LRRTM4: variants seen among roughly 807,000 people sequenced by gnomAD.
The protein encoded by LRRTM4 is leucine rich repeat transmembrane neuronal 4.
Under a neutral mutation model 47.6 loss-of-function variants are expected in LRRTM4, and 25 were observed. The ratio of observed to expected loss-of-function variants is 0.53; its 90% CI spans 0.38 to 0.73. The LOEUF (loss-of-function observed/expected upper bound fraction) is 0.73, where lower values mean the gene tolerates loss of function less well. Ranked by LOEUF, LRRTM4 falls within the 30% of genes least tolerant of loss-of-function variation. The pLI is 0.00. For missense variants in LRRTM4, 638 were observed against 713.4 expected (o/e 0.89, Z 1.20); for synonymous variants, 311 against 269.5 (o/e 1.15, Z -1.51).
At chr2:77,106,876 A>C (rs1322793200) in intron 3 of LRRTM4, among the ~76,000 whole-genome samples, 1 of 151,990 alleles carries the variant, frequency 6.6e-6, no homozygotes, top group Admixed American at 6.6e-5. Context: ...AAATCCAGTG[A>C]TGTTGGTCAA....
chr2:76,918,519 C>T (rs1171701073), intron 3 of LRRTM4, among the ~76,000 whole-genome samples: 1 of 151,952 alleles, frequency 6.6e-6, no homozygotes, highest in Non-Finnish European at 1.5e-5. Flanking sequence ...TCACATAGGC[C>T]GTATTAATGA....
At position 77,522,146 on chromosome 2, in the gene LRRTM4, GATAAAGCA is replaced by G. The variant is rs1425891756; in HGVS notation, c.-193_-186del. The G allele has an allele frequency of 1.4e-6, 1 of 715,848 alleles. No individual in the cohort carries two copies. Among genetic ancestry groups the G allele is most frequent in the Non-Finnish European group, 2.6e-6 (1 of 384,062 alleles). 44.3% of individuals were successfully genotyped at this position (715,848 alleles called of 1,614,324 possible). A position where few individuals can be genotyped will look rare whatever the true frequency, so the allele number is the denominator to read the frequency against. ...ATTGTGCTGGCTTTTGCCATTCCCA[GATAAAGCA>G]ATTCATCCTCTGGATTTTCAGTTCT... is the stretch of plus-strand genomic sequence containing the variant. On this transcript the variant is annotated 5_prime_UTR_variant, in exon 1 of 4. The change abolishes the stop of an existing upstream ORF in the 5' untranslated region. Coordinates refer to ENST00000409884, the MANE Select transcript of LRRTM4 (RefSeq NM_001134745.3).
At chr2:77,481,079 A>G (rs1677684754) in intron 3 of LRRTM4, among the ~76,000 whole-genome samples, 1 of 152,292 alleles carries the variant, frequency 6.6e-6, no homozygotes, top group Non-Finnish European at 1.5e-5. Context: ...TAATTCTTCC[A>G]CTAGGAGTAT....
intron 3 of LRRTM4, among the ~76,000 whole-genome samples, chr2:77,514,497 TA>T (rs1679137279): frequency 6.6e-6 from 1 of 152,072 alleles, no homozygotes; most frequent in Non-Finnish European, 1.5e-5. Context: ...AAAACCAGTA[TA>T]TTTTTAAAAT....
intron 3 of LRRTM4, among the ~76,000 whole-genome samples, chr2:77,066,896 C>G (rs1679974204): frequency 6.6e-6 from 1 of 152,210 alleles, no homozygotes; most frequent in African/African-American, 2.4e-5. Flanking sequence ...CCATGCATGG[C>G]TGGCAGAGAG....
intron 3 of LRRTM4, among the ~76,000 whole-genome samples, chr2:76,771,586 G>A (rs1433211432): frequency 6.7e-6 from 1 of 149,640 alleles, no homozygotes; most frequent in African/African-American, 2.5e-5. Context: ...TAAAACACTT[G>A]CCTGAAGCAG....
In LRRTM4 at chr2:76,983,821, A is replaced by G. The variant is rs78263432; in HGVS notation, c.1552-234905T>C. Among the ~76,000 whole-genome samples, 912 of 152,178 alleles carry G rather than the reference A, an allele frequency of 6.0e-3. 16 individuals carry two copies. Among genetic ancestry groups the G allele is most frequent in the African/African-American group, 0.021 (857 of 41,556 alleles). On this transcript the variant is annotated intron_variant, in intron 3 of 3. Coordinates refer to ENST00000409884, the MANE Select transcript of LRRTM4 (RefSeq NM_001134745.3). ...AAAAATAAGGCCATCAAATATTTTAAAATTCATTTGCCTTCACAATGACAA... is the reference window on the plus strand; with the variant it reads ...AAAAATAAGGCCATCAAATATTTTAGAATTCATTTGCCTTCACAATGACAA...
chr2:77,465,661 A>G (rs1676955089), intron 3 of LRRTM4, among the ~76,000 whole-genome samples: 1 of 152,138 alleles, frequency 6.6e-6, no homozygotes, highest in South Asian at 2.1e-4. Flanking sequence ...AGATTCTCCA[A>G]CCCACCTAAA....
chr2:77,158,772 T>G (rs1672627848), intron 3 of LRRTM4, among the ~76,000 whole-genome samples: 1 of 152,036 alleles, frequency 6.6e-6, no homozygotes. Context: ...TTTAGTAATC[T>G]AAGTGCTTTT....
At chr2:77,375,416 C>T (rs1672797842) in intron 3 of LRRTM4, among the ~76,000 whole-genome samples, 1 of 151,600 alleles carries the variant, frequency 6.6e-6, no homozygotes, top group South Asian at 2.1e-4. Context: ...CCTTGCACAC[C>T]TTCTTGTTTG....
At chr2:76,842,450 T>A (rs572984880) in intron 3 of LRRTM4, among the ~76,000 whole-genome samples, 1 of 152,236 alleles carries the variant, frequency 6.6e-6, no homozygotes, top group African/African-American at 2.4e-5. Context: ...TTGATTTCCA[T>A]TGTATATTGA....
At chr2:77,260,407 G>GTGTGTGTA (rs1553418017) in intron 3 of LRRTM4, among the ~76,000 whole-genome samples, 93 of 151,166 alleles carry the variant, frequency 6.2e-4, no homozygotes, top group African/African-American at 2.0e-3. Context: ...GTGTGTGTGT[G>GTGTGTGTA]TGTGTGTAGA....
intron 3 of LRRTM4, among the ~76,000 whole-genome samples, chr2:76,841,214 G>A (rs1483696172): frequency 1.3e-5 from 2 of 149,422 alleles, no homozygotes; most frequent in East Asian, 4.1e-4. Context: ...TCATAGGTGG[G>A]AATTGAACAA....
chr2:77,423,137 G>C (rs1258566415), intron 3 of LRRTM4, among the ~76,000 whole-genome samples: 1 of 152,010 alleles, frequency 6.6e-6, no homozygotes, highest in Non-Finnish European at 1.5e-5. Flanking sequence ...TTTATTGCTA[G>C]ATAATGGCCC....
At chr2:76,780,558 T>G (rs1573090366) in intron 3 of LRRTM4, among the ~76,000 whole-genome samples, 1 of 152,188 alleles carries the variant, frequency 6.6e-6, no homozygotes, top group Non-Finnish European at 1.5e-5. Context: ...CATCGGCTCC[T>G]GAGGCTTCTG....
intron 3 of LRRTM4, among the ~76,000 whole-genome samples, chr2:77,221,323 T>C (rs1288698710): frequency 6.6e-6 from 1 of 152,100 alleles, no homozygotes; most frequent in Non-Finnish European, 1.5e-5. Context: ...CCAGCTAACA[T>C]CATCATGACA....
chr2:76,957,364 T>C (rs1675708572), intron 3 of LRRTM4, among the ~76,000 whole-genome samples: 1 of 151,704 alleles, frequency 6.6e-6, no homozygotes, highest in Non-Finnish European at 1.5e-5. Flanking sequence ...TAACAATGTT[T>C]TACTGTACAC....
intron 3 of LRRTM4, among the ~76,000 whole-genome samples, chr2:76,915,521 T>C (rs528825246): frequency 6.6e-5 from 10 of 152,328 alleles, no homozygotes; most frequent in African/African-American, 1.4e-4. Flanking sequence ...AATGGTTAAA[T>C]TGAATGTTCT....
intron 3 of LRRTM4, among the ~76,000 whole-genome samples, chr2:76,833,872 A>T (rs1175488871): frequency 1.3e-5 from 2 of 151,624 alleles, no homozygotes; most frequent in Non-Finnish European, 2.9e-5. Context: ...TAATGAAGAC[A>T]ATTTATGTAT....
Sources: allele counts gnomAD v4.1 joint callset (sites outside exome capture counted in the v4.1 genomes callset), GRCh38; gene constraint gnomAD v4.1.1; transcripts MANE v1.5; gene names NCBI Gene and HGNC (gene_info 2026-07-23, HGNC 2026-07-21).